Variants in ANKRD37 observed in about 807,000 individuals in gnomAD.
ANKRD37 encodes ankyrin repeat domain-containing protein 37.
In ANKRD37, 17 loss-of-function variants were observed where a neutral mutation model predicts 19.7. The ratio of observed to expected loss-of-function variants is 0.86; its 90% confidence interval spans 0.59 to 1.29. The LOEUF (loss-of-function observed/expected upper bound fraction) is 1.29. Ranked by LOEUF, ANKRD37 falls within the 50% of genes most tolerant of loss-of-function variation. ANKRD37 has a pLI of 0.00. For synonymous variants in ANKRD37, 79 were observed against 74.5 expected (o/e 1.06, Z -0.31); for missense variants, 207 against 190.4 (o/e 1.09, Z -0.51).
rs769368881 is a variant in ANKRD37 at position 185,397,222 on chromosome 4, C to T, written c.100C>T (p.Pro34Ser). ...ACCCCCGGATCCCTGCAAGCAGTCG[C>T]CTGTCCACTTAGCCGCAGGAAGCGG... ...NAPPDPCKQS[P>S]VHLAAGSGLA... Residue 34 changes from proline (P) to serine (S), a missense_variant, in exon 2 of 5, where the codon CCT becomes TCT. Coordinates refer to ENST00000335174, the MANE Select transcript of ANKRD37 (RefSeq NM_181726.4). 3.7e-6 allele frequency: 6 copies of T among 1,614,150 alleles called. No individual in the cohort carries two copies. The East Asian group carries it at 8.9e-5, about 24-fold the overall frequency.
intron 2 of ANKRD37, among the ~76,000 whole-genome samples, chr4:185,398,185 T>A (rs1216045131): frequency 6.6e-6 from 1 of 152,214 alleles, no homozygotes; most frequent in African/African-American, 2.4e-5. Flanking sequence ...CTCGAACTCC[T>A]GACCTTAGGT....
chr4:185,400,437 A>G, downstream of ANKRD37: 3 of 1,614,030 alleles, frequency 1.9e-6, no homozygotes, highest in South Asian at 1.1e-5. Flanking sequence ...TATAGTATGC[A>G]TCCTTGTTCC....
In ANKRD37 at chr4:185,399,765, G is replaced by T. The variant is rs557567910; in HGVS notation, c.468G>T (p.Arg156Ser). Reference sequence around the variant, plus strand: ...GTGTAGAAAATACCAGTGGGAAAAGGAAGTGCTGGTAAGTAACTCAGAGCT... The same window carrying T: ...GTGTAGAAAATACCAGTGGGAAAAGTAAGTGCTGGTAAGTAACTCAGAGCT... The part of the protein sequence containing the change: ...LGSVENTSGK[R>S]KC The change falls in exon 4 of 5, where the codon AGG becomes AGT. Residue 156 changes from arginine to serine, a missense_variant. Coordinates refer to ENST00000335174, the MANE Select transcript of ANKRD37 (RefSeq NM_181726.4). 1.2e-6 allele frequency: 2 copies of T among 1,614,056 alleles called. No homozygotes were observed. Among genetic ancestry groups the T allele is most frequent in the Middle Eastern group, 1.6e-4 (1 of 6,062 alleles).
chr4:185,398,935 A>G lies in ANKRD37; in HGVS notation c.181-2A>G. The G allele has an allele frequency of 6.2e-7, 1 of 1,613,310 alleles. No individual in the cohort carries two copies. Among genetic ancestry groups the G allele is most frequent in the Non-Finnish European group, 8.5e-7 (1 of 1,179,410 alleles). On this transcript the variant is annotated splice_acceptor_variant, in intron 2 of 4. Coordinates refer to ENST00000335174, the MANE Select transcript of ANKRD37 (RefSeq NM_181726.4). LOFTEE classifies it high-confidence loss of function. ...CTCTAAAATGCACCATCTTACCTTA[A>G]GGATGTTTTAGGAGAAGCTCCACTA...
rs943874086 is a variant in ANKRD37 at position 185,399,845 on chromosome 4, T to C, written c.476+72T>C. ...TGTTTGCATAGCATTTATTATTCCA[T>C]TTAATACTGACACTCGTATTTCTAG... On this transcript the variant is annotated intron_variant, in intron 4 of 4. Transcript: ENST00000335174. 2.5e-4 allele frequency: 400 copies of C among 1,589,202 alleles called. 4 individuals are homozygous for C. In the South Asian group the frequency reaches 4.3e-3, roughly 17 times the overall value.
At chr4:185,400,679 G>T, downstream of ANKRD37, 1 of 408,418 alleles carries the variant, frequency 2.4e-6, no homozygotes. Flanking sequence ...TTAATTCTAT[G>T]TATGTAATTC....
intron 3 of ANKRD37, 120 bp from the exon 4 acceptor site, chr4:185,399,450 T>C: frequency 1.9e-6 from 2 of 1,066,692 alleles, no homozygotes; most frequent in Non-Finnish European, 2.7e-6. Flanking sequence ...TCCTTATGCA[T>C]CCTTTACCTC....
intron 3 of ANKRD37, 114 bp from the exon 4 acceptor site, chr4:185,399,456 A>C: frequency 8.9e-7 from 1 of 1,118,308 alleles, no homozygotes; most frequent in Non-Finnish European, 1.3e-6. Context: ...TGCATCCTTT[A>C]CCTCTTCTGT....
At position 185,397,267 on chromosome 4, in the gene ANKRD37, T is replaced by C; in HGVS notation, c.145T>C (p.Trp49Arg). The change falls in exon 2 of 5, where the codon TGG (tryptophan) becomes CGG (arginine). Residue 49 changes from tryptophan to arginine, a missense_variant. Coordinates refer to ENST00000335174, the MANE Select transcript of ANKRD37 (RefSeq NM_181726.4). ...AAGCGGCCTTGCTTGCTTTCTTCTCTGGCAGCTGCAAACGGGCGCTGACCT... is the reference window on the plus strand; with the variant it reads ...AAGCGGCCTTGCTTGCTTTCTTCTCCGGCAGCTGCAAACGGGCGCTGACCT... ...AGSGLACFLL[W>R]QLQTGADLNQ... 1.9e-6 allele frequency: 3 copies of C among 1,614,094 alleles called. No homozygotes were observed. Among genetic ancestry groups the C allele is most frequent in the Non-Finnish European group, 2.5e-6 (3 of 1,180,028 alleles).
chr4:185,399,804 T>G (rs1326570835), intron 4 of ANKRD37, 31 bp downstream of exon 4: 5 of 1,612,770 alleles, frequency 3.1e-6, no homozygotes, highest in Non-Finnish European at 4.2e-6. Context: ...GCTTTTTTCC[T>G]CCCGCAGTGA....
At chr4:185,397,854 T>C (rs6821573) in intron 2 of ANKRD37, 13,482 of 152,450 alleles carry the variant, frequency 0.088, 921 homozygotes, top group African/African-American at 0.19. Flanking sequence ...TACTGTAGTT[T>C]GCATCTTCCA....
At chr4:185,399,308 T>C (rs1580041329) in intron 3 of ANKRD37, among the ~76,000 whole-genome samples, 1 of 152,308 alleles carries the variant, frequency 6.6e-6, no homozygotes, top group Non-Finnish European at 1.5e-5. Context: ...ATAGTTCCCA[T>C]TGACTACCTT....
intron 4 of ANKRD37, 120 bp downstream of exon 4, chr4:185,399,893 A>C: frequency 2.6e-6 from 4 of 1,537,060 alleles, no homozygotes; most frequent in Non-Finnish European, 2.6e-6. Context: ...ATTCTCATTA[A>C]CATTTTAGTA....
At chr4:185,399,266 T>C in intron 3 of ANKRD37, among the ~76,000 whole-genome samples, 1 of 152,218 alleles carries the variant, frequency 6.6e-6, no homozygotes, top group East Asian at 1.9e-4. Flanking sequence ...GACTGTATTC[T>C]ACTTCAGTTT....
At chr4:185,400,281 C>G, downstream of ANKRD37, 1 of 924,154 alleles carries the variant, frequency 1.1e-6, no homozygotes, top group Non-Finnish European at 1.6e-6. Flanking sequence ...TGAAAAAGGT[C>G]ATAATTTAAA....
Position 185,397,051 on chromosome 4 carries a change from G to A in ANKRD37, c.28-99G>A, listed in dbSNP as rs147665408. ...GGGGACGGACCACTGGGCGCTGCCT[G>A]GTCAGAGCTGGTTGTGAAGGGCGGG... On this transcript the variant is annotated intron_variant, in intron 1 of 4. Transcript: ENST00000335174. 3.5e-5 allele frequency: 56 copies of A among 1,609,796 alleles called. No individual in the cohort carries two copies. In the East Asian group the frequency reaches 1.2e-3, roughly 34 times the overall value.
chr4:185,399,641 T>A lies in ANKRD37; in HGVS notation c.344T>A (p.Phe115Tyr). The A allele has an allele frequency of 6.2e-7, 1 of 1,614,200 alleles. No individual in the cohort carries two copies. Among genetic ancestry groups the A allele is most frequent in the South Asian group, 1.1e-5 (1 of 91,090 alleles). The part of the protein sequence containing the change: ...WSCGFPDCAK[F>Y]LTTIKCMQTI... ...TGTGGATTTCCAGACTGTGCCAAGTTTCTTACAACAATTAAATGTATGCAG... is the reference window on the plus strand; with the variant it reads ...TGTGGATTTCCAGACTGTGCCAAGTATCTTACAACAATTAAATGTATGCAG... Residue 115 changes from phenylalanine to tyrosine, a missense_variant, in exon 4 of 5, where the codon TTT becomes TAT. Transcript: ENST00000335174.
chr4:185,398,197 A>T (rs1465845982), intron 2 of ANKRD37, among the ~76,000 whole-genome samples: 1 of 152,244 alleles, frequency 6.6e-6, no homozygotes, highest in East Asian at 1.9e-4. Context: ...ACCTTAGGTG[A>T]TCCGCCTGCC....
Position 185,397,979 on chromosome 4 carries a change from C to A in ANKRD37, c.180+677C>A, listed in dbSNP as rs561460457. ...GCTACACGTTTTTATTTATTTGAGA[C>A]GGAGTTTTGCTTTTGTCGCCCAGAC... is the stretch of plus-strand genomic sequence containing the variant. On this transcript the variant is annotated intron_variant, in intron 2 of 4. Transcript: ENST00000335174. Among the ~76,000 whole-genome samples the A allele has an allele frequency of 5.3e-5, 8 of 152,300 alleles. No homozygotes were observed. In the South Asian group the frequency reaches 1.7e-3, roughly 32 times the overall value.
Sources: gnomAD v4.1 joint callset for allele counts (sites outside exome capture counted in the v4.1 genomes callset) on GRCh38, gnomAD v4.1.1 for gene constraint, MANE v1.5 for transcripts, NCBI Gene and HGNC (gene_info 2026-07-23, HGNC 2026-07-21) for gene names.